The following AKT3 variants were observed in gnomAD, a reference collection of about 807,000 sequenced individuals.
The protein encoded by AKT3 is RAC-gamma serine/threonine-protein kinase.
In AKT3, 15 loss-of-function variants were observed where a neutral mutation model predicts 65.3. The observed-to-expected ratio is 0.23, with a 90% confidence interval of 0.15 to 0.35. The LOEUF (loss-of-function observed/expected upper bound fraction) is 0.35. Among genes scored for constraint, AKT3 ranks in the 10% least tolerant of loss-of-function variants. The pLI, the probability that AKT3 is intolerant of heterozygous loss-of-function variation, is 1.00. For missense variants in AKT3, 243 were observed against 576.5 expected (o/e 0.42, Z 5.92); for synonymous variants, 206 against 183.8 (o/e 1.12, Z -0.98).
rs148899055 is a variant in AKT3 at position 243,600,562 on chromosome 1, C to G, written c.696+13109G>C. Among the ~76,000 whole-genome samples the G allele has an allele frequency of 1.6e-3, 240 of 152,144 alleles. 1 individual carries two copies. Among genetic ancestry groups the G allele is most frequent in the African/African-American group, 5.5e-3 (230 of 41,544 alleles). ...ACCAAATCATTCAATGGGAGAAAGA[C>G]AGTCTTTTCAACAAATATGCTGGAA... On this transcript the variant is annotated intron_variant, in intron 8 of 13. Coordinates refer to ENST00000673466, the MANE Select transcript of AKT3 (RefSeq NM_005465.7).
At chr1:243,711,395 C>G (rs972367928) in intron 2 of AKT3, among the ~76,000 whole-genome samples, 1 of 152,082 alleles carries the variant, frequency 6.6e-6, no homozygotes, top group Non-Finnish European at 1.5e-5. Flanking sequence ...TACCATACAT[C>G]CGAAATACTT....
In AKT3 at chr1:243,504,478, T is replaced by C. The variant is rs1312448631; in HGVS notation, c.*771A>G. On this transcript the variant is annotated 3_prime_UTR_variant, in exon 14 of 14. Coordinates refer to ENST00000673466, the MANE Select transcript of AKT3 (RefSeq NM_005465.7). ...GGGGAAAGATGCTCTCTGGCTCAAA[T>C]TGTTTCATAAGACCCTTTAAGTGAC... 5.1e-6 allele frequency: 1 copy of C among 194,880 alleles called. No individual in the cohort carries two copies. The highest frequency in any genetic ancestry group is 2.3e-5 in the African/African-American group (1 of 43,098). The allele number at this position is 194,880 out of a possible 1,614,324, so 12.1% of individuals were successfully genotyped here.
At chr1:243,640,703 T>C (rs755235819) in intron 5 of AKT3, among the ~76,000 whole-genome samples, 8 of 152,128 alleles carry the variant, frequency 5.3e-5, no homozygotes, top group African/African-American at 1.4e-4. Context: ...GAAGGTTTTG[T>C]TGGATTTTCC....
intron 10 of AKT3, among the ~76,000 whole-genome samples, chr1:243,559,715 A>C (rs1673641153): frequency 6.6e-6 from 1 of 152,150 alleles, no homozygotes; most frequent in Non-Finnish European, 1.5e-5. Context: ...AGGTTGCAGC[A>C]AGATTCCTAC....
chr1:243,695,764 G>C lies in AKT3; in HGVS notation c.47-48C>G, dbSNP rs779728796. On this transcript the variant is annotated intron_variant, in intron 2 of 13. Coordinates refer to ENST00000673466, the MANE Select transcript of AKT3 (RefSeq NM_005465.7). ...TTAATGCTGAAAAAAATGAACAGCA[G>C]CTTTTATGCAAAAAATAAATTATGG... The C allele has an allele frequency of 3.3e-6, 5 of 1,506,260 alleles. No individual in the cohort carries two copies. In the East Asian group the frequency reaches 1.2e-4, roughly 35 times the overall value. The allele number at this position is 1,506,260 out of a possible 1,614,324, so 93.3% of individuals were successfully genotyped here.
In AKT3 at chr1:243,537,826, T is replaced by C. The variant is rs1166778297; in HGVS notation, c.1251+7684A>G. ...AGATTCCCAGTTCCTCCAGTCAGCA[T>C]ATCTTCATTCACTTCTCTTGTTACT... On this transcript the variant is annotated intron_variant, in intron 12 of 13. Coordinates refer to ENST00000673466, the MANE Select transcript of AKT3 (RefSeq NM_005465.7). Among the ~76,000 whole-genome samples, 6 of 152,332 alleles carry C rather than the reference T, an allele frequency of 3.9e-5. No homozygotes were observed. In the South Asian group the frequency reaches 1.0e-3, roughly 26 times the overall value.
intron 2 of AKT3, among the ~76,000 whole-genome samples, chr1:243,786,624 G>A (rs926168115): frequency 1.2e-4 from 18 of 152,052 alleles, no homozygotes; most frequent in African/African-American, 4.1e-4. Flanking sequence ...AAATAAGTAT[G>A]TAATAAGCAA....
intron 8 of AKT3, among the ~76,000 whole-genome samples, chr1:243,583,195 T>TACACACAC (rs59711065): frequency 1.3e-3 from 112 of 88,270 alleles, no homozygotes; most frequent in East Asian, 3.4e-3. Context: ...TATATATATA[T>TACACACAC]ACACACACAC....
chr1:243,610,208 C>T (rs1677767263), intron 8 of AKT3, among the ~76,000 whole-genome samples: 1 of 152,174 alleles, frequency 6.6e-6, no homozygotes, highest in African/African-American at 2.4e-5. Context: ...TTTCTTCCTA[C>T]TCCTCAGTAG....
At chr1:243,818,812 T>C (rs189713253) in intron 2 of AKT3, among the ~76,000 whole-genome samples, 43 of 149,002 alleles carry the variant, frequency 2.9e-4, no homozygotes, top group Admixed American at 4.7e-4. Context: ...ACCAGCAACT[T>C]TGAGATATCC....
chr1:243,788,254 A>G (rs185900791), intron 2 of AKT3, among the ~76,000 whole-genome samples: 1 of 152,342 alleles, frequency 6.6e-6, no homozygotes, highest in African/African-American at 2.4e-5. Context: ...ATAGGAAAAA[A>G]ACATGCTGAA....
intron 2 of AKT3, among the ~76,000 whole-genome samples, chr1:243,816,236 T>A (rs1322648691): frequency 1.3e-5 from 2 of 152,346 alleles, no homozygotes; most frequent in African/African-American, 4.8e-5. Context: ...CTAGGTCACA[T>A]AGCAGTTTGA....
At chr1:243,652,771 C>CAAAAAAAAAAAAAAAAA (rs371580711) in intron 4 of AKT3, among the ~76,000 whole-genome samples, 70 of 31,168 alleles carry the variant, frequency 2.2e-3, no homozygotes, top group East Asian at 4.9e-3. Flanking sequence ...AAATAGAAAG[C>CAAAAAAAAAAAAAAAAA]AAAAAAAAAA....
chr1:243,779,000 C>G lies in AKT3; in HGVS notation c.46+64125G>C, dbSNP rs151201971. 3.3e-3 allele frequency among the ~76,000 whole-genome samples: 502 copies of G among 151,916 alleles called. 1 individual carries two copies. The highest frequency in any genetic ancestry group is 6.8e-3 in the Middle Eastern group (2 of 294). On this transcript the variant is annotated intron_variant, in intron 2 of 13. Coordinates refer to ENST00000673466, the MANE Select transcript of AKT3 (RefSeq NM_005465.7). ...GTAATATTCCATTGTATTGCTGTACCATGATTTACTTAGCCAATTTCCTAT... is the reference window on the plus strand; with the variant it reads ...GTAATATTCCATTGTATTGCTGTACGATGATTTACTTAGCCAATTTCCTAT...
At chr1:243,709,821 T>A (rs1359339140) in intron 2 of AKT3, among the ~76,000 whole-genome samples, 1 of 152,116 alleles carries the variant, frequency 6.6e-6, no homozygotes, top group African/African-American at 2.4e-5. Flanking sequence ...CTTAGAAGTA[T>A]AAAATTATGA....
intron 2 of AKT3, among the ~76,000 whole-genome samples, chr1:243,795,476 G>T (rs9428583): frequency 0.92 from 101,005 of 109,722 alleles, 46,368 homozygotes; most frequent in East Asian, 0.96. Flanking sequence ...TTTTTTTTTG[G>T]TTTTTTTTTT....
chr1:243,749,224 T>C (rs1688657188), intron 2 of AKT3, among the ~76,000 whole-genome samples: 1 of 152,200 alleles, frequency 6.6e-6, no homozygotes, highest in Admixed American at 6.5e-5. Flanking sequence ...ATCCATTTTA[T>C]GTGGAACTCT....
At chr1:243,532,254 T>G (rs374678529) in intron 12 of AKT3, among the ~76,000 whole-genome samples, 1 of 152,210 alleles carries the variant, frequency 6.6e-6, no homozygotes, top group African/African-American at 2.4e-5. Context: ...TTTTCCAAAC[T>G]ATAGAAATGA....
At chr1:243,722,420 C>T (rs1045102246) in intron 2 of AKT3, among the ~76,000 whole-genome samples, 3 of 152,142 alleles carry the variant, frequency 2.0e-5, no homozygotes, top group Admixed American at 6.5e-5. Flanking sequence ...CTTCTGAGTA[C>T]ATGCATATGA....
Sources: allele counts gnomAD v4.1 joint callset (sites outside exome capture counted in the v4.1 genomes callset), GRCh38; gene constraint gnomAD v4.1.1; transcripts MANE v1.5; gene names NCBI Gene and HGNC (gene_info 2026-07-23, HGNC 2026-07-21).